The following SPATA13 variants were observed in gnomAD, a reference collection of about 807,000 sequenced individuals.
SPATA13 encodes spermatogenesis-associated protein 13.
SPATA13 carries 50 observed loss-of-function variants against 104.0 expected under a neutral mutation model. The observed-to-expected ratio is 0.48, with a 90% CI of 0.38 to 0.61. The LOEUF (loss-of-function observed/expected upper bound fraction) is 0.61, where lower values mean the gene tolerates loss of function less well. Ranked by LOEUF, SPATA13 falls within the 20% of genes least tolerant of loss-of-function variation. SPATA13 has a pLI of 0.00. For synonymous variants in SPATA13, 606 were observed against 667.5 expected (o/e 0.91, Z 1.42); for missense variants, 1,524 against 1,690.6 (o/e 0.90, Z 1.73).
chr13:24,261,926 A>T (rs144904596), intron 4 of SPATA13, among the ~76,000 whole-genome samples: 8 of 152,368 alleles, frequency 5.3e-5, no homozygotes, highest in Non-Finnish European at 1.0e-4. Context: ...AAAATACCCC[A>T]TAAAGGCTCA....
chr13:24,089,813 G>A (rs974205965), intron 3 of SPATA13, among the ~76,000 whole-genome samples: 1 of 152,164 alleles, frequency 6.6e-6, no homozygotes, highest in Non-Finnish European at 1.5e-5. Flanking sequence ...TGTGGTTCTC[G>A]AGATTGGAAG....
At chr13:24,252,866 C>G (rs749842305) in intron 4 of SPATA13, 2 of 152,290 alleles carry the variant, frequency 1.3e-5, no homozygotes, top group East Asian at 3.9e-4. Flanking sequence ...GAGGAGCCAC[C>G]GGAAGGTGTG....
intron 11 of SPATA13, 101 bp downstream of exon 11, chr13:24,297,836 A>C: frequency 7.2e-7 from 1 of 1,386,480 alleles, no homozygotes; most frequent in Non-Finnish European, 9.6e-7. Context: ...TCTCCCTCAG[A>C]GCTGAATCCC....
chr13:24,039,760 A>C (rs146887126), intron 3 of SPATA13, among the ~76,000 whole-genome samples: 438 of 152,230 alleles, frequency 2.9e-3, no homozygotes, highest in African/African-American at 9.9e-3. Context: ...GGAATTCTGT[A>C]GTTGGCTTTG....
intron 3 of SPATA13, among the ~76,000 whole-genome samples, chr13:24,058,374 A>G (rs1160398356): frequency 6.6e-6 from 1 of 151,878 alleles, no homozygotes; most frequent in Non-Finnish European, 1.5e-5. Flanking sequence ...GCTCACCGTA[A>G]TCCCTTCAGC....
At chr13:24,186,501 C>T (rs1038996820) in intron 1 of SPATA13, among the ~76,000 whole-genome samples, 7 of 152,062 alleles carry the variant, frequency 4.6e-5, no homozygotes, top group Admixed American at 1.3e-4. Context: ...ATCCCAGAAA[C>T]GAATAAAAAT....
exon 2 of SPATA13, chr13:23,983,887 C>T (rs185129701): frequency 1.4e-4 from 136 of 985,424 alleles, no homozygotes; most frequent in Non-Finnish European, 1.6e-4. Flanking sequence ...ATGGCAACAC[C>T]GTGCAGATGG....
chr13:24,021,450 A>G (rs918354690), intron 3 of SPATA13, among the ~76,000 whole-genome samples: 5 of 152,182 alleles, frequency 3.3e-5, no homozygotes, highest in Admixed American at 6.5e-5. Context: ...CTATGATTGT[A>G]CCACTCTACT....
At position 24,054,841 on chromosome 13, in the gene SPATA13, A is replaced by T. The variant is rs1040628272; in HGVS notation, c.-112+37140A>T. ...ATGAATTCAGTCACTTATGAAGTGT[A>T]ACCTCTTCTAAAAAAAAATTGTGTG... On this transcript the variant is annotated intron_variant, in intron 3 of 14. Coordinates refer to the SPATA13 transcript ENST00000424834. 2.0e-5 allele frequency among the ~76,000 whole-genome samples: 3 copies of T among 152,214 alleles called. 1 individual carries two copies. The highest frequency in any genetic ancestry group is 2.0e-4 in the Admixed American group (3 of 15,286).
intron 4 of SPATA13, among the ~76,000 whole-genome samples, chr13:24,281,029 A>T (rs905332865): frequency 2.6e-5 from 4 of 152,070 alleles, no homozygotes; most frequent in Admixed American, 2.6e-4. Context: ...ATGGGTACAC[A>T]CATGCATAGC....
chr13:24,114,358 T>TGTGTGCCTGCATGTCTGCACATGCGC (rs1880756996), intron 3 of SPATA13, among the ~76,000 whole-genome samples: 1 of 148,710 alleles, frequency 6.7e-6, no homozygotes, highest in Non-Finnish European at 1.5e-5. Context: ...AGTGTGCACG[T>TGTGTGCCTGCATGTCTGCACATGCGC]GTGTGCCTGC....
At chr13:24,299,836 G>A (rs1303022279) in intron 11 of SPATA13, among the ~76,000 whole-genome samples, 1 of 152,200 alleles carries the variant, frequency 6.6e-6, no homozygotes, top group East Asian at 1.9e-4. Flanking sequence ...TCTTTCCAGT[G>A]ACTCTTGTTT....
chr13:24,043,190 A>G (rs1185075894), intron 3 of SPATA13, among the ~76,000 whole-genome samples: 3 of 152,144 alleles, frequency 2.0e-5, no homozygotes, highest in Admixed American at 2.0e-4. Flanking sequence ...TTGGTGGTTT[A>G]TCACTCCTCT....
At chr13:24,122,544 C>T (rs1431174638) in intron 3 of SPATA13, 48 of 1,576,424 alleles carry the variant, frequency 3.0e-5, no homozygotes, top group Admixed American at 1.0e-4. Flanking sequence ...GTCAGTGCCA[C>T]GCCCTTTGCA....
rs1416350668 is a variant in SPATA13 at position 24,223,218 on chromosome 13, G to C, written c.289G>C (p.Gly97Arg). The C allele has an allele frequency of 1.3e-6, 2 of 1,551,676 alleles. No individual in the cohort carries two copies. Among genetic ancestry groups the C allele is most frequent in the Admixed American group, 2.0e-5 (1 of 51,008 alleles). The change falls in exon 2 of 13, where the codon GGG (glycine) becomes CGG (arginine). Residue 97 changes from glycine (G) to arginine (R), a missense_variant. By Grantham distance (125) the Gly-to-Arg change is moderately radical. Coordinates refer to ENST00000382108, the MANE Select transcript of SPATA13 (RefSeq NM_001166271.3). ...GCGGCCCCACTCCATGGTCCTGGTGGGGAACTCCTCCACATGGAACACCCT... is the reference window on the plus strand; with the variant it reads ...GCGGCCCCACTCCATGGTCCTGGTGCGGAACTCCTCCACATGGAACACCCT... ...PERPHSMVLV[G>R]NSSTWNTLAS...
chr13:24,221,806 ATTTTTTTTTTT>A (rs35282665), intron 1 of SPATA13, among the ~76,000 whole-genome samples: 18 of 122,430 alleles, frequency 1.5e-4, no homozygotes, highest in African/African-American at 5.1e-4. Flanking sequence ...TTACCTCTGA[ATTTTTTTTTTT>A]TTTTTTTTTG....
At chr13:24,105,090 G>A (rs1419723187) in intron 3 of SPATA13, among the ~76,000 whole-genome samples, 1 of 151,462 alleles carries the variant, frequency 6.6e-6, no homozygotes. Context: ...CTCCACTATG[G>A]TACCTCTTGG....
At position 24,003,906 on chromosome 13, in the gene SPATA13, T is replaced by C. The variant is rs545650727; in HGVS notation, c.-146-13761T>C. Among the ~76,000 whole-genome samples, 11 of 152,198 alleles carry C rather than the reference T, an allele frequency of 7.2e-5. No homozygotes were observed. In the East Asian group the frequency reaches 2.1e-3, roughly 29 times the overall value. On this transcript the variant is annotated intron_variant, in intron 2 of 14. Coordinates refer to the SPATA13 transcript ENST00000424834. ...ACAGAACCCATTAAACAAGAACCAA[T>C]ACAGCAGAAGTCCCTTTTCAGCCAC... is the stretch of plus-strand genomic sequence containing the variant.
At chr13:24,033,726 G>C (rs563798597) in intron 3 of SPATA13, 1 of 152,372 alleles carries the variant, frequency 6.6e-6, no homozygotes, top group Admixed American at 6.5e-5. Context: ...TGCTGATGGA[G>C]CAGTTGCCTC....
Sources: allele counts gnomAD v4.1 joint callset (sites outside exome capture counted in the v4.1 genomes callset), GRCh38; gene constraint gnomAD v4.1.1; transcripts MANE v1.5; gene names NCBI Gene and HGNC (gene_info 2026-07-23, HGNC 2026-07-21).